ARB2A: variants seen among roughly 807,000 people sequenced by gnomAD.
The protein encoded by ARB2A is cotranscriptional regulator ARB2A.
chr5:93,878,701 T>A, the ARB2A span, among the ~76,000 whole-genome samples: 3 of 152,052 alleles, frequency 2.0e-5, no homozygotes, highest in African/African-American at 7.2e-5. Flanking sequence ...AGAAACAGAG[T>A]CCATTAAATA....
At chr5:94,002,607 T>C in the ARB2A span, among the ~76,000 whole-genome samples, 1 of 152,122 alleles carries the variant, frequency 6.6e-6, no homozygotes, top group Non-Finnish European at 1.5e-5. Flanking sequence ...CTAAAAAGCC[T>C]TGTTGCTTTA....
At chr5:93,796,171 C>T in the ARB2A span, among the ~76,000 whole-genome samples, 1 of 152,208 alleles carries the variant, frequency 6.6e-6, no homozygotes, top group East Asian at 1.9e-4. Context: ...CCCTATGATA[C>T]AAAGAAAATA....
At chr5:93,702,822 C>T in the ARB2A span, among the ~76,000 whole-genome samples, 1 of 152,056 alleles carries the variant, frequency 6.6e-6, no homozygotes, top group South Asian at 2.1e-4. Context: ...TGTTAAAGTT[C>T]ACAGATATTT....
chr5:93,883,751 T>C, the ARB2A span, among the ~76,000 whole-genome samples: 1 of 151,404 alleles, frequency 6.6e-6, no homozygotes, highest in Admixed American at 6.6e-5. Context: ...AGGCATTCAG[T>C]ACACTGTCTC....
the ARB2A span, among the ~76,000 whole-genome samples, chr5:93,854,981 A>G: frequency 0.91 from 138,765 of 152,154 alleles, 63,649 homozygotes; most frequent in East Asian, 1. Flanking sequence ...GGTCTGCATG[A>G]TGCAGAGCTG....
At chr5:94,106,671 G>T in the ARB2A span, among the ~76,000 whole-genome samples, 2 of 151,740 alleles carry the variant, frequency 1.3e-5, no homozygotes, top group African/African-American at 4.8e-5. Context: ...AAGACAACAT[G>T]TACTCATATG....
At chr5:94,055,590 A>T in the ARB2A span, 1 of 981,252 alleles carries the variant, frequency 1.0e-6, no homozygotes, top group East Asian at 1.1e-4. Context: ...GTAAGACAAA[A>T]ATGTCACATA....
the ARB2A span, among the ~76,000 whole-genome samples, chr5:93,756,729 CA>C: frequency 0.27 from 40,955 of 151,978 alleles, 6,932 homozygotes; most frequent in African/African-American, 0.47. Context: ...TGACAGCCTT[CA>C]AGCCCTAGAC....
the ARB2A span, among the ~76,000 whole-genome samples, chr5:93,860,427 G>A: frequency 1.3e-5 from 2 of 151,308 alleles, no homozygotes; most frequent in African/African-American, 2.4e-5. Flanking sequence ...AATGGATGTC[G>A]TACACAAAAA....
the ARB2A span, among the ~76,000 whole-genome samples, chr5:93,653,825 T>C: frequency 3.3e-5 from 5 of 152,164 alleles, no homozygotes; most frequent in African/African-American, 1.2e-4. Flanking sequence ...CACCTCTAAA[T>C]TATAGACACA....
chr5:93,883,643 A>G, the ARB2A span, among the ~76,000 whole-genome samples: 1 of 151,518 alleles, frequency 6.6e-6, no homozygotes, highest in Non-Finnish European at 1.5e-5. Context: ...TGCCTCTTAC[A>G]ACTTTTCACG....
chr5:93,978,709 C>T, the ARB2A span, among the ~76,000 whole-genome samples: 9 of 151,986 alleles, frequency 5.9e-5, no homozygotes, highest in African/African-American at 2.2e-4. Flanking sequence ...TCATTAGATG[C>T]CCAGACCTCA....
chr5:93,709,876 AG>A, the ARB2A span, among the ~76,000 whole-genome samples: 1 of 152,148 alleles, frequency 6.6e-6, no homozygotes, highest in Non-Finnish European at 1.5e-5. Context: ...ACAGACCCAT[AG>A]AAGTTAAATG....
chr5:93,903,012 G>T, the ARB2A span, among the ~76,000 whole-genome samples: 2 of 152,096 alleles, frequency 1.3e-5, no homozygotes, highest in African/African-American at 2.4e-5. Context: ...TTTAGTAGGG[G>T]TGAATTCTCT....
chr5:93,793,392 T>C, the ARB2A span, among the ~76,000 whole-genome samples: 30 of 151,968 alleles, frequency 2.0e-4, no homozygotes, highest in African/African-American at 7.0e-4. Flanking sequence ...CCTACATCTT[T>C]TAACTCCAGA....
At chr5:93,802,550 T>C in the ARB2A span, among the ~76,000 whole-genome samples, 186 of 152,244 alleles carry the variant, frequency 1.2e-3, no homozygotes, top group Non-Finnish European at 1.3e-3. Context: ...CAGAAGTCCA[T>C]TTGTGAATTA....
At chr5:93,872,264 T>C in the ARB2A span, among the ~76,000 whole-genome samples, 1 of 152,154 alleles carries the variant, frequency 6.6e-6, no homozygotes, top group Non-Finnish European at 1.5e-5. Context: ...GTTGTTTTCA[T>C]ACACATTAAT....
chr5:94,005,121 T>C, the ARB2A span, among the ~76,000 whole-genome samples: 4 of 131,968 alleles, frequency 3.0e-5, no homozygotes, highest in East Asian at 6.9e-4. Flanking sequence ...TTGAAAAAAA[T>C]AGGCAGAGTA....
At chr5:94,047,967 T>A in the ARB2A span, among the ~76,000 whole-genome samples, 7 of 152,064 alleles carry the variant, frequency 4.6e-5, no homozygotes, top group Non-Finnish European at 8.8e-5. Context: ...CCACAAGCTC[T>A]TTTCTAAGGC....
Sources: gnomAD v4.1 joint callset for allele counts (sites outside exome capture counted in the v4.1 genomes callset) on GRCh38, gnomAD v4.1.1 for gene constraint, MANE v1.5 for transcripts, NCBI Gene and HGNC (gene_info 2026-07-23, HGNC 2026-07-21) for gene names.